The following NPSR1 variants were observed in gnomAD, a reference collection of about 807,000 sequenced individuals.
NPSR1 encodes the protein neuropeptide S receptor 1.
A neutral mutation model predicts 46.9 loss-of-function variants in NPSR1; 48 were observed. The observed-to-expected ratio is 1.02, with a 90% CI of 0.81 to 1.30. The LOEUF (loss-of-function observed/expected upper bound fraction) is 1.30, where lower values mean the gene tolerates loss of function less well. NPSR1 is among the 50% of genes most tolerant of loss of function. The pLI is 0.00. For missense variants in NPSR1, 450 were observed against 449.5 expected, an observed-to-expected ratio of 1.00 and a Z score of -0.01; for synonymous variants, 176 against 168.1, an observed-to-expected ratio of 1.05 and a Z score of -0.36.
At chr7:34,801,488 T>C (rs1424252186) in intron 3 of NPSR1, among the ~76,000 whole-genome samples, 42 of 114,094 alleles carry the variant, frequency 3.7e-4, no homozygotes, top group Non-Finnish European at 6.1e-4. Flanking sequence ...TCTCAATAGA[T>C]GCAGAAAAGG....
chr7:34,752,434 T>C (rs892592735), intron 2 of NPSR1, among the ~76,000 whole-genome samples: 25 of 152,334 alleles, frequency 1.6e-4, no homozygotes, highest in East Asian at 1.2e-3. Context: ...AAATGGGTCC[T>C]GTTAAGAATT....
intron 3 of NPSR1, among the ~76,000 whole-genome samples, chr7:34,783,564 TGA>T (rs566347765): frequency 6.6e-6 from 1 of 151,612 alleles, no homozygotes; most frequent in Non-Finnish European, 1.5e-5. Flanking sequence ...TAGAAGGAGA[TGA>T]GAGAGACAAA....
intron 3 of NPSR1, 26 bp downstream of exon 3, chr7:34,778,591 G>C (rs780566133): frequency 3.0e-6 from 4 of 1,341,018 alleles, no homozygotes; most frequent in Non-Finnish European, 4.3e-6. Context: ...CAAATGTGAT[G>C]AGACAAACTG....
intron 2 of NPSR1, among the ~76,000 whole-genome samples, chr7:34,736,846 A>G (rs1026336559): frequency 6.6e-6 from 1 of 152,176 alleles, no homozygotes; most frequent in Non-Finnish European, 1.5e-5. Context: ...TAAGTCACAG[A>G]TTCTACCCAG....
At chr7:34,823,852 G>A (rs1230456974) in intron 4 of NPSR1, among the ~76,000 whole-genome samples, 1 of 152,120 alleles carries the variant, frequency 6.6e-6, no homozygotes, top group East Asian at 1.9e-4. Context: ...GACCCCCAGA[G>A]GGCTCATTTT....
intron 2 of NPSR1, among the ~76,000 whole-genome samples, chr7:34,734,393 TGATG>T (rs1784572848): frequency 6.6e-6 from 1 of 152,046 alleles, no homozygotes; most frequent in Admixed American, 6.6e-5. Flanking sequence ...AGATGATGAC[TGATG>T]GATGGGAATG....
intron 3 of NPSR1, chr7:34,779,690 T>G (rs1254994712): frequency 1.6e-6 from 1 of 641,974 alleles, no homozygotes; most frequent in Non-Finnish European, 2.2e-6. Flanking sequence ...CAGGGGAAAT[T>G]TTTAAAAACA....
In NPSR1 at chr7:34,799,267, T is replaced by C. The variant is rs976431582; in HGVS notation, c.385-12503T>C. 4.6e-5 allele frequency among the ~76,000 whole-genome samples: 7 copies of C among 152,012 alleles called. 1 individual carries two copies. Among genetic ancestry groups the C allele is most frequent in the African/African-American group, 1.7e-4 (7 of 41,428 alleles). ...ATTATTTTGTTTTTCAATTAAAAATTTAATTAAAATCAGAAAAAATTAATA... is the reference window on the plus strand; with the variant it reads ...ATTATTTTGTTTTTCAATTAAAAATCTAATTAAAATCAGAAAAAATTAATA... On this transcript the variant is annotated intron_variant, in intron 3 of 8. Coordinates refer to ENST00000360581, the MANE Select transcript of NPSR1 (RefSeq NM_207172.2).
chr7:34,780,896 G>T (rs1787199777), intron 3 of NPSR1, among the ~76,000 whole-genome samples: 1 of 152,164 alleles, frequency 6.6e-6, no homozygotes, highest in African/African-American at 2.4e-5. Context: ...CGTCAAAACA[G>T]TTACAGGCAA....
Position 34,844,998 on chromosome 7 carries a change from C to T in NPSR1, c.844+16C>T. Reference sequence around the variant, plus strand: ...ATCATTCTTGGTAAGCAATGTCCCTCCTTGAGCTGTAAAGTGGTATGAACG... The same window carrying T: ...ATCATTCTTGGTAAGCAATGTCCCTTCTTGAGCTGTAAAGTGGTATGAACG... On this transcript the variant is annotated intron_variant, in intron 7 of 8. Coordinates refer to ENST00000360581, the MANE Select transcript of NPSR1 (RefSeq NM_207172.2). The T allele has an allele frequency of 6.3e-7, 1 of 1,580,750 alleles. No individual in the cohort carries two copies. Among genetic ancestry groups the T allele is most frequent in the Non-Finnish European group, 8.7e-7 (1 of 1,149,646 alleles).
At chr7:34,867,771 G>A (rs566938739) in intron 8 of NPSR1, among the ~76,000 whole-genome samples, 1 of 151,928 alleles carries the variant, frequency 6.6e-6, no homozygotes, top group South Asian at 2.1e-4. Context: ...CTGCTCAGTG[G>A]TGTCTGTGGC....
intron 2 of NPSR1, among the ~76,000 whole-genome samples, chr7:34,725,657 T>C (rs1034301904): frequency 6.6e-6 from 1 of 152,176 alleles, no homozygotes; most frequent in Non-Finnish European, 1.5e-5. Context: ...CCATACCAGC[T>C]GTTTTCACCA....
chr7:34,841,556 G>A (rs907575911), intron 6 of NPSR1, among the ~76,000 whole-genome samples: 1 of 152,190 alleles, frequency 6.6e-6, no homozygotes, highest in African/African-American at 2.4e-5. Flanking sequence ...CAGCACCAAG[G>A]CCTGAGTAGA....
intron 8 of NPSR1, 21 bp downstream of exon 8, chr7:34,848,684 G>A (rs1790829685): frequency 6.2e-7 from 1 of 1,606,884 alleles, no homozygotes. Context: ...CTCTTGCATG[G>A]GTCAGACACA....
chr7:34,836,445 A>G (rs746664033), intron 6 of NPSR1, among the ~76,000 whole-genome samples: 5 of 152,186 alleles, frequency 3.3e-5, no homozygotes, highest in Non-Finnish European at 7.3e-5. Flanking sequence ...AGTATTTTAA[A>G]CTGATAGAGA....
At chr7:34,765,951 G>A (rs138132572) in intron 2 of NPSR1, among the ~76,000 whole-genome samples, 1 of 152,262 alleles carries the variant, frequency 6.6e-6, no homozygotes, top group East Asian at 1.9e-4. Flanking sequence ...CAGTACCTGT[G>A]TAATGGGATC....
Position 34,834,026 on chromosome 7 carries a change from G to A in NPSR1, c.681-358G>A, listed in dbSNP as rs532504831. On this transcript the variant is annotated intron_variant, in intron 5 of 8. Coordinates refer to ENST00000360581, the MANE Select transcript of NPSR1 (RefSeq NM_207172.2). The stretch of plus-strand genomic sequence containing the variant: ...GATCATAGATGTCATTTAAAAGACT[G>A]TCTAAAGTCAGGACTGTACAACAGA... The A allele has an allele frequency of 1.7e-5, 4 of 236,950 alleles. No individual in the cohort carries two copies. The South Asian group carries it at 3.4e-4, about 20-fold the overall frequency. The allele number at this position is 236,950 out of a possible 1,614,324, so 14.7% of individuals were successfully genotyped here. A position where few individuals can be genotyped will look rare whatever the true frequency, so the allele number is the denominator to read the frequency against.
At chr7:34,766,267 GC>G (rs1282983374) in intron 2 of NPSR1, among the ~76,000 whole-genome samples, 1 of 152,122 alleles carries the variant, frequency 6.6e-6, no homozygotes, top group African/African-American at 2.4e-5. Context: ...CAGTGGTGCA[GC>G]AACATTGGAA....
chr7:34,849,422 G>A, intron 8 of NPSR1, 143 bp from the exon 9 acceptor site: 1 of 1,571,998 alleles, frequency 6.4e-7, no homozygotes, highest in East Asian at 2.4e-5. Context: ...GGAGAAGGAA[G>A]GTCAGGGTAT....
Sources: allele counts gnomAD v4.1 joint callset (sites outside exome capture counted in the v4.1 genomes callset), GRCh38; gene constraint gnomAD v4.1.1; transcripts MANE v1.5; gene names NCBI Gene and HGNC (gene_info 2026-07-23, HGNC 2026-07-21).